The following CTNNA3 variants were observed in gnomAD, a reference collection of about 807,000 sequenced individuals.
The protein encoded by CTNNA3 is catenin alpha-3.
A neutral mutation model predicts 95.7 loss-of-function variants in CTNNA3; 76 were observed. That is an observed-to-expected ratio of 0.79 (90% CI 0.66 to 0.96). CTNNA3 has a LOEUF of 0.96. Ranked by LOEUF, CTNNA3 falls within the 40% of genes least tolerant of loss-of-function variation. CTNNA3 has a pLI of 0.00. For synonymous variants in CTNNA3, 431 were observed against 374.4 expected, an observed-to-expected ratio of 1.15 and a Z score of -1.74; for missense variants, 1,191 against 1,089.8, an observed-to-expected ratio of 1.09 and a Z score of -1.31.
intron 12 of CTNNA3, among the ~76,000 whole-genome samples, chr10:66,351,905 T>C (rs936711672): frequency 2.6e-5 from 4 of 152,050 alleles, no homozygotes; most frequent in Non-Finnish European, 5.9e-5. Flanking sequence ...TTAGTGACTA[T>C]TATATGCCAT....
At chr10:67,229,518 A>G (rs1450336478) in intron 5 of CTNNA3, among the ~76,000 whole-genome samples, 1 of 152,200 alleles carries the variant, frequency 6.6e-6, no homozygotes, top group African/African-American at 2.4e-5. Flanking sequence ...GGTAAAGAGG[A>G]AGTCAAGCTG....
intron 7 of CTNNA3, among the ~76,000 whole-genome samples, chr10:66,966,436 T>A (rs192830595): frequency 6.6e-6 from 1 of 151,832 alleles, no homozygotes; most frequent in East Asian, 2.1e-4. Flanking sequence ...CATATATTTA[T>A]CATTTTAAAG....
At chr10:66,130,469 G>A (rs2083035732) in intron 13 of CTNNA3, among the ~76,000 whole-genome samples, 2 of 150,218 alleles carry the variant, frequency 1.3e-5, no homozygotes, top group African/African-American at 2.4e-5. Flanking sequence ...CTGCTAGCTA[G>A]ACTAATGAAA....
At chr10:67,016,529 T>A (rs1852667820) in intron 7 of CTNNA3, among the ~76,000 whole-genome samples, 1 of 152,136 alleles carries the variant, frequency 6.6e-6, no homozygotes, top group Non-Finnish European at 1.5e-5. Context: ...AGAAAGTCCC[T>A]CTGAGGCTTC....
chr10:66,847,557 C>T (rs1240869234), intron 7 of CTNNA3, among the ~76,000 whole-genome samples: 3 of 152,126 alleles, frequency 2.0e-5, no homozygotes, highest in African/African-American at 4.8e-5. Flanking sequence ...CCAAGTGCTT[C>T]AATTCCTCAT....
chr10:66,673,502 T>C (rs369023764), intron 9 of CTNNA3, among the ~76,000 whole-genome samples: 2 of 152,108 alleles, frequency 1.3e-5, no homozygotes, highest in Admixed American at 6.6e-5. Context: ...AACACTTTAA[T>C]ACACCAGGCT....
chr10:66,156,331 T>C (rs1464741949), intron 13 of CTNNA3, among the ~76,000 whole-genome samples: 2 of 152,008 alleles, frequency 1.3e-5, no homozygotes, highest in East Asian at 3.8e-4. Flanking sequence ...GTAAATGTCC[T>C]GTGATTTTGT....
At chr10:66,292,253 A>G (rs886460795) in intron 12 of CTNNA3, among the ~76,000 whole-genome samples, 8 of 152,000 alleles carry the variant, frequency 5.3e-5, no homozygotes, top group African/African-American at 1.4e-4. Context: ...CGGCCTCTCA[A>G]ATATGTTTCT....
chr10:66,842,314 T>A (rs752305374), intron 7 of CTNNA3, among the ~76,000 whole-genome samples: 1 of 151,366 alleles, frequency 6.6e-6, no homozygotes, highest in Non-Finnish European at 1.5e-5. Flanking sequence ...ATAGACACAA[T>A]CAGATGAAAA....
intron 15 of CTNNA3, among the ~76,000 whole-genome samples, chr10:66,016,688 A>G (rs1410884372): frequency 6.6e-6 from 1 of 152,176 alleles, no homozygotes; most frequent in African/African-American, 2.4e-5. Context: ...TTCTGACCTC[A>G]GTAGAACTAG....
chr10:66,305,080 C>T (rs1216306390), intron 12 of CTNNA3, among the ~76,000 whole-genome samples: 5 of 152,078 alleles, frequency 3.3e-5, no homozygotes, highest in Non-Finnish European at 7.4e-5. Flanking sequence ...CAGCCCCTCT[C>T]TAACCCCCAC....
intron 7 of CTNNA3, among the ~76,000 whole-genome samples, chr10:67,122,244 A>G (rs756130824): frequency 1.3e-5 from 2 of 152,092 alleles, no homozygotes; most frequent in African/African-American, 4.8e-5. Flanking sequence ...GAAAATGTAC[A>G]TTATTCATTT....
chr10:66,801,170 AATAAAT>A (rs1240432757), intron 7 of CTNNA3, among the ~76,000 whole-genome samples: 1 of 151,382 alleles, frequency 6.6e-6, no homozygotes, highest in Non-Finnish European at 1.5e-5. Flanking sequence ...ATTAGGGGGA[AATAAAT>A]ATAAAGTACA....
chr10:66,115,524 T>TGATAGATAGATAGATA (rs71035110), intron 13 of CTNNA3, among the ~76,000 whole-genome samples: 2 of 137,526 alleles, frequency 1.5e-5, no homozygotes, highest in Non-Finnish European at 3.1e-5. Context: ...GATAGATAGA[T>TGATAGATAGATAGATA]GATAGATAGA....
chr10:66,578,229 A>G (rs1257636831), intron 10 of CTNNA3, among the ~76,000 whole-genome samples: 3 of 151,976 alleles, frequency 2.0e-5, no homozygotes, highest in Admixed American at 6.6e-5. Flanking sequence ...TTCTGGCAGA[A>G]TCTATGGGGT....
At chr10:66,573,417 A>G (rs887013597) in intron 10 of CTNNA3, among the ~76,000 whole-genome samples, 2 of 152,202 alleles carry the variant, frequency 1.3e-5, no homozygotes, top group Non-Finnish European at 2.9e-5. Context: ...CCTCCCATTA[A>G]TGAGAAAAGA....
intron 7 of CTNNA3, among the ~76,000 whole-genome samples, chr10:67,105,014 A>G (rs1380778998): frequency 6.6e-6 from 1 of 152,054 alleles, no homozygotes; most frequent in African/African-American, 2.4e-5. Context: ...TCTGGGTTGA[A>G]GATGTGGTAA....
At chr10:66,824,071 G>A (rs941499695) in intron 7 of CTNNA3, among the ~76,000 whole-genome samples, 1 of 151,518 alleles carries the variant, frequency 6.6e-6, no homozygotes, top group Admixed American at 6.6e-5. Flanking sequence ...TAGAGAGTGG[G>A]CCAGAGTCCA....
chr10:66,903,167 AG>A (rs1845830303), intron 7 of CTNNA3, among the ~76,000 whole-genome samples: 1 of 152,196 alleles, frequency 6.6e-6, no homozygotes, highest in Admixed American at 6.5e-5. Flanking sequence ...CACATCAAAA[AG>A]CTTATCCACC....
Sources: gnomAD v4.1 joint callset for allele counts (sites outside exome capture counted in the v4.1 genomes callset) on GRCh38, gnomAD v4.1.1 for gene constraint, MANE v1.5 for transcripts, NCBI Gene and HGNC (gene_info 2026-07-23, HGNC 2026-07-21) for gene names.